The following EPHA5 variants were observed in gnomAD, a reference collection of about 807,000 sequenced individuals.
The protein encoded by EPHA5 is EPH receptor A5.
Under a neutral mutation model 105.0 loss-of-function variants are expected in EPHA5, and 60 were observed. The observed-to-expected ratio is 0.57, with a 90% CI of 0.46 to 0.71. EPHA5 has a LOEUF of 0.71. EPHA5 is among the 30% of genes least tolerant of loss of function. The probability of loss-of-function intolerance (pLI) is 0.00; values close to 1 mark genes in which losing one functional copy is unlikely to be tolerated. For missense variants in EPHA5, 1,218 were observed against 1,274.7 expected (o/e 0.96, Z 0.68); for synonymous variants, 513 against 449.1 (o/e 1.14, Z -1.80).
At chr4:65,440,124 CTT>C (rs1289158477) in intron 5 of EPHA5, among the ~76,000 whole-genome samples, 1 of 151,920 alleles carries the variant, frequency 6.6e-6, no homozygotes, top group East Asian at 1.9e-4. Flanking sequence ...CCAAAATAGA[CTT>C]GTTTGCCTTT....
intron 3 of EPHA5, among the ~76,000 whole-genome samples, chr4:65,541,316 T>TAA (rs1736808351): frequency 1.3e-5 from 2 of 151,252 alleles, no homozygotes; most frequent in Admixed American, 6.6e-5. Flanking sequence ...GCAAATTGGA[T>TAA]AGAGTCAAGA....
At chr4:65,433,126 G>C (rs770912133) in intron 5 of EPHA5, among the ~76,000 whole-genome samples, 13 of 152,026 alleles carry the variant, frequency 8.6e-5, no homozygotes, top group Non-Finnish European at 1.6e-4. Context: ...TAAAATTTTC[G>C]AGTGCTGAAG....
At chr4:65,619,382 T>G (rs1745517627) in intron 2 of EPHA5, among the ~76,000 whole-genome samples, 1 of 152,230 alleles carries the variant, frequency 6.6e-6, no homozygotes, top group South Asian at 2.1e-4. Context: ...ACACATACAT[T>G]TAGGCATTTT....
intron 2 of EPHA5, among the ~76,000 whole-genome samples, chr4:65,626,881 A>G (rs1249744970): frequency 6.6e-6 from 1 of 152,226 alleles, no homozygotes; most frequent in Non-Finnish European, 1.5e-5. Flanking sequence ...ACTTATGTAA[A>G]TTAAAAGGGA....
chr4:65,367,195 A>AGCC (rs1717989683), intron 9 of EPHA5, among the ~76,000 whole-genome samples, 162 bp downstream of exon 9: 1 of 151,802 alleles, frequency 6.6e-6, no homozygotes. Flanking sequence ...GAAATACCCA[A>AGCC]GCCCGTATTC....
chr4:65,594,400 TAAC>T (rs1191154613), intron 3 of EPHA5, among the ~76,000 whole-genome samples: 1 of 152,164 alleles, frequency 6.6e-6, no homozygotes, highest in Admixed American at 6.5e-5. Flanking sequence ...ATTTTCACGG[TAAC>T]AATATGGAAC....
chr4:65,656,835 C>T (rs1411634789), intron 1 of EPHA5, among the ~76,000 whole-genome samples: 1 of 151,008 alleles, frequency 6.6e-6, no homozygotes. Context: ...TTTTAACCCT[C>T]CCATCTAGAG....
chr4:65,359,856 C>T (rs913567907), intron 11 of EPHA5, among the ~76,000 whole-genome samples: 1 of 151,594 alleles, frequency 6.6e-6, no homozygotes, highest in Non-Finnish European at 1.5e-5. Flanking sequence ...CCCATGTTAG[C>T]TCTACGTCTT....
chr4:65,657,229 T>G (rs1044654186), intron 1 of EPHA5, among the ~76,000 whole-genome samples: 4 of 152,160 alleles, frequency 2.6e-5, no homozygotes, highest in African/African-American at 7.2e-5. Context: ...AGTAAATCCT[T>G]CTGCCCCCCA....
At chr4:65,574,731 C>T (rs7437948) in intron 3 of EPHA5, among the ~76,000 whole-genome samples, 1,630 of 85,434 alleles carry the variant, frequency 0.019, 25 homozygotes, top group Middle Eastern at 0.028. Context: ...CATATATATA[C>T]ATATATATAT....
At chr4:65,352,990 A>G in intron 12 of EPHA5, 52 bp downstream of exon 12, 3 of 1,270,746 alleles carry the variant, frequency 2.4e-6, no homozygotes, top group Non-Finnish European at 3.3e-6. Context: ...ACAGCACAAC[A>G]TCACAATATA....
At chr4:65,403,888 T>C (rs984662082) in intron 8 of EPHA5, among the ~76,000 whole-genome samples, 5 of 152,106 alleles carry the variant, frequency 3.3e-5, no homozygotes, top group Non-Finnish European at 7.4e-5. Context: ...GTGAAAATGT[T>C]TGGTCATTTT....
intron 14 of EPHA5, among the ~76,000 whole-genome samples, chr4:65,338,088 A>T (rs1721355902): frequency 6.6e-6 from 1 of 152,100 alleles, no homozygotes; most frequent in African/African-American, 2.4e-5. Context: ...AAAACAACAG[A>T]TACATGAGAA....
intron 8 of EPHA5, among the ~76,000 whole-genome samples, chr4:65,375,509 C>A (rs1003284609): frequency 6.6e-6 from 1 of 151,818 alleles, no homozygotes; most frequent in Non-Finnish European, 1.5e-5. Flanking sequence ...GAAAAAGATA[C>A]TATCTTTTTA....
chr4:65,640,282 C>CTTTTTTTTTTTTTTTTTTTTTTT (rs869149037), intron 2 of EPHA5, among the ~76,000 whole-genome samples: 1 of 92,224 alleles, frequency 1.1e-5, no homozygotes. Context: ...TCAGTTTTTT[C>CTTTTTTTTTTTTTTTTTTTTTTT]TTTTTTTTTT....
intron 1 of EPHA5, among the ~76,000 whole-genome samples, chr4:65,653,251 GACC>G (rs1748767424): frequency 3.3e-5 from 5 of 152,018 alleles, no homozygotes; most frequent in Non-Finnish European, 7.4e-5. Flanking sequence ...ACAACTTGAT[GACC>G]TAGTACTCCT....
rs946890669 is a variant in EPHA5 at position 65,397,010 on chromosome 4, C to T, written c.1793+7364G>A. 3.3e-5 allele frequency among the ~76,000 whole-genome samples: 5 copies of T among 152,188 alleles called. No individual in the cohort carries two copies. In the East Asian group the frequency reaches 9.6e-4, roughly 29 times the overall value. On this transcript the variant is annotated intron_variant, in intron 8 of 16. Coordinates refer to ENST00000613740, the MANE Select transcript of EPHA5 (RefSeq NM_001281766.3). ...CAAATCCCAAAATCCCTTGGATAGA[C>T]CTGTTAACTGCTACAAATGTGGCAA...
chr4:65,663,666 T>A (rs922065063), intron 1 of EPHA5, among the ~76,000 whole-genome samples: 4 of 152,008 alleles, frequency 2.6e-5, no homozygotes, highest in Non-Finnish European at 5.9e-5. Context: ...TGAAATTAAT[T>A]GATCAGAATT....
chr4:65,324,522 T>C (rs1348979606), intron 16 of EPHA5, among the ~76,000 whole-genome samples: 3 of 150,852 alleles, frequency 2.0e-5, no homozygotes, highest in African/African-American at 7.3e-5. Context: ...CAATAAAGAG[T>C]TAACAGGTAC....
Sources: allele counts gnomAD v4.1 joint callset (sites outside exome capture counted in the v4.1 genomes callset), GRCh38; gene constraint gnomAD v4.1.1; transcripts MANE v1.5; gene names NCBI Gene and HGNC (gene_info 2026-07-23, HGNC 2026-07-21).